The following STAT3 variants were observed in gnomAD, a reference collection of about 807,000 sequenced individuals.
STAT3 encodes the protein DNA-binding protein APRF.
STAT3 carries 7 observed loss-of-function variants against 114.3 expected under a neutral mutation model. The observed-to-expected ratio is 0.06, with a 90% CI of 0.03 to 0.11. The LOEUF is 0.11. STAT3 is among the 10% of genes least tolerant of loss of function. The pLI, the probability that STAT3 is intolerant of heterozygous loss-of-function variation, is 1.00. For missense variants in STAT3, 364 were observed against 960.9 expected, an observed-to-expected ratio of 0.38 and a Z score of 8.21; for synonymous variants, 331 against 354.5, an observed-to-expected ratio of 0.93 and a Z score of 0.74.
At chr17:42,373,884 C>CAA (rs34354144) in intron 1 of STAT3, among the ~76,000 whole-genome samples, 4 of 106,550 alleles carry the variant, frequency 3.8e-5, no homozygotes, top group Admixed American at 3.3e-4. Context: ...GACTCCGTCT[C>CAA]AAAAAAAAAA....
chr17:42,360,873 G>A (rs186360355), intron 1 of STAT3, among the ~76,000 whole-genome samples: 32 of 152,190 alleles, frequency 2.1e-4, no homozygotes, highest in Non-Finnish European at 4.1e-4. Flanking sequence ...GGACAACCAG[G>A]GTGTGAGGAG....
chr17:42,347,578 A>G (rs940650583), intron 2 of STAT3, among the ~76,000 whole-genome samples: 10 of 152,266 alleles, frequency 6.6e-5, no homozygotes, highest in African/African-American at 2.4e-4. Context: ...CCTGTGATCT[A>G]GTTTGGATCT....
chr17:42,383,054 T>G (rs953602809), intron 1 of STAT3, among the ~76,000 whole-genome samples: 1 of 152,020 alleles, frequency 6.6e-6, no homozygotes, highest in Non-Finnish European at 1.5e-5. Flanking sequence ...TCTGAAGACA[T>G]GTAGCATTCA....
chr17:42,352,190 T>TG (rs2082999396), intron 1 of STAT3, among the ~76,000 whole-genome samples: 1 of 151,906 alleles, frequency 6.6e-6, no homozygotes, highest in Non-Finnish European at 1.5e-5. Flanking sequence ...AATACAAAAA[T>TG]TAGCCGAGCA....
chr17:42,376,064 T>C (rs1016219021), intron 1 of STAT3, among the ~76,000 whole-genome samples: 6 of 151,594 alleles, frequency 4.0e-5, no homozygotes, highest in Admixed American at 2.6e-4. Context: ...GGCAGGAGAA[T>C]TGCTGGAACC....
intron 1 of STAT3, among the ~76,000 whole-genome samples, chr17:42,357,599 G>C (rs896714205): frequency 6.6e-6 from 1 of 152,094 alleles, no homozygotes; most frequent in Non-Finnish European, 1.5e-5. Context: ...TTGAACCCGC[G>C]AGGCAGAGGT....
In STAT3 at chr17:42,345,578, G is replaced by A. The variant is rs1234764558; in HGVS notation, c.353C>T (p.Thr118Ile). 1.2e-6 allele frequency: 2 copies of A among 1,606,482 alleles called. No homozygotes were observed. Among genetic ancestry groups the A allele is most frequent in the Non-Finnish European group, 1.7e-6 (2 of 1,175,928 alleles). The change falls in exon 4 of 24, where the codon ACT becomes ATT. Residue 118 changes from threonine (T) to isoleucine (I), a missense_variant. Physicochemically the swap from Thr to Ile is moderately conservative, Grantham distance 89. Around this residue, in one of 5 missense-constraint regions of STAT3, gnomAD observed 294 missense variants for 745.1 expected, o/e 0.39. Coordinates refer to ENST00000264657, the MANE Select transcript of STAT3 (RefSeq NM_139276.3). ...TCTCACCTGGGCCGCAGTGGCTGCA[G>A]TCTGTAGAAGGCGTGATTCTTCCCA... ...CLWEESRLLQTAATAAQQGGQ... is the reference protein window; with the variant it reads ...CLWEESRLLQIAATAAQQGGQ...
chr17:42,320,314 G>T (rs1039699731), intron 21 of STAT3, among the ~76,000 whole-genome samples: 3 of 152,166 alleles, frequency 2.0e-5, no homozygotes, highest in Admixed American at 6.5e-5. Context: ...TCCCTCAGAA[G>T]GAATTCCTAG....
chr17:42,386,046 T>C (rs1342652161), intron 1 of STAT3, among the ~76,000 whole-genome samples: 6 of 152,104 alleles, frequency 3.9e-5, no homozygotes, highest in African/African-American at 7.2e-5. Context: ...CTTTGGGAGA[T>C]AGAGGTGGGC....
rs1345519429 is a variant in STAT3 at position 42,328,046 on chromosome 17, A to AAAG, written c.1281+1361_1281+1363dup. Among the ~76,000 whole-genome samples, 672 of 152,046 alleles carry AAAG rather than the reference A, an allele frequency of 4.4e-3. 4 individuals are homozygous for AAAG. The highest frequency in any genetic ancestry group is 0.016 in the African/African-American group (648 of 41,452). On this transcript the variant is annotated intron_variant, in intron 14 of 23. Transcript: ENST00000264657. ...AACGAGACTCCGACTCAAAAAAAAA[A>AAAG]AAGAAAAAAGAAATTAAATTATAAT...
chr17:42,346,841 C>T, intron 2 of STAT3, 128 bp from the exon 3 acceptor site: 2 of 1,261,384 alleles, frequency 1.6e-6, no homozygotes, highest in East Asian at 4.6e-5. Flanking sequence ...ACCCATTCAT[C>T]ATGTTAGATT....
At chr17:42,317,729 A>T (rs1234471619) in intron 21 of STAT3, among the ~76,000 whole-genome samples, 3 of 152,204 alleles carry the variant, frequency 2.0e-5, no homozygotes, top group Non-Finnish European at 4.4e-5. Context: ...GCCAAAGGTT[A>T]TATCTCTTAT....
At chr17:42,352,200 A>G (rs2083000380) in intron 1 of STAT3, among the ~76,000 whole-genome samples, 1 of 151,940 alleles carries the variant, frequency 6.6e-6, no homozygotes, top group Non-Finnish European at 1.5e-5. Flanking sequence ...TTAGCCGAGC[A>G]TGGTGGTGGC....
chr17:42,317,511 C>T (rs2081298364), intron 21 of STAT3: 2 of 521,394 alleles, frequency 3.8e-6, no homozygotes, highest in Non-Finnish European at 6.9e-6. Context: ...CTAATGCCAC[C>T]TTGTGTCCCT....
chr17:42,353,956 T>C (rs1157975289), intron 1 of STAT3, among the ~76,000 whole-genome samples: 2 of 152,182 alleles, frequency 1.3e-5, no homozygotes, highest in Admixed American at 6.6e-5. Context: ...AATTAAATCA[T>C]GAAACAGCAT....
At chr17:42,338,870 A>C in intron 5 of STAT3, 58 bp from the exon 6 acceptor site, 1 of 1,473,340 alleles carries the variant, frequency 6.8e-7, no homozygotes, top group Non-Finnish European at 9.4e-7. Context: ...TTGGGAACAG[A>C]AAATATAAAG....
intron 6 of STAT3, 144 bp downstream of exon 6, chr17:42,338,587 A>C: frequency 1.4e-6 from 1 of 726,772 alleles, no homozygotes; most frequent in Non-Finnish European, 2.4e-6. Context: ...TCCTGTCCTT[A>C]ATGACCAGGC....
chr17:42,375,679 A>C (rs1349269304), intron 1 of STAT3, among the ~76,000 whole-genome samples: 2 of 151,726 alleles, frequency 1.3e-5, no homozygotes, highest in Non-Finnish European at 2.9e-5. Context: ...AAAATACAAA[A>C]CTAGACGGGT....
intron 5 of STAT3, among the ~76,000 whole-genome samples, 175 bp downstream of exon 5, chr17:42,339,139 C>A (rs2082337572): frequency 6.6e-6 from 1 of 151,420 alleles, no homozygotes; most frequent in Admixed American, 6.6e-5. Flanking sequence ...GCCTGTGGTC[C>A]CGGCTACTTG....
Sources: gnomAD v4.1 joint callset for allele counts (sites outside exome capture counted in the v4.1 genomes callset) on GRCh38, gnomAD v4.1.1 for gene constraint, gnomAD v4.1.1 regional missense constraint, MANE v1.5 for transcripts, NCBI Gene and HGNC (gene_info 2026-07-23, HGNC 2026-07-21) for gene names.